SIPA1L3: variants seen among roughly 807,000 people sequenced by gnomAD.
SIPA1L3 encodes the protein signal-induced proliferation-associated 1-like protein 3.
In SIPA1L3, 59 loss-of-function variants were observed where a neutral mutation model predicts 150.1. That is an observed-to-expected ratio of 0.39 (90% confidence interval 0.32 to 0.49). The LOEUF (loss-of-function observed/expected upper bound fraction) is 0.49. Among genes scored for constraint, SIPA1L3 ranks in the 20% least tolerant of loss-of-function variants. The pLI, the probability that SIPA1L3 is intolerant of heterozygous loss-of-function variation, is 0.86. For missense variants in SIPA1L3, 2,211 were observed against 2,489.5 expected, an observed-to-expected ratio of 0.89 and a Z score of 2.38; for synonymous variants, 1,070 against 1,077.6, an observed-to-expected ratio of 0.99 and a Z score of 0.14.
intron 21 of SIPA1L3, among the ~76,000 whole-genome samples, 195 bp from the exon 22 acceptor site, chr19:38,205,902 G>T (rs1325321788): frequency 6.6e-6 from 1 of 152,220 alleles, no homozygotes; most frequent in Non-Finnish European, 1.5e-5. Flanking sequence ...TGGTAGAGTT[G>T]CGGGAACCAA....
intron 4 of SIPA1L3, 145 bp from the exon 5 acceptor site, chr19:38,099,817 G>A (rs1420459658): frequency 3.1e-6 from 2 of 640,054 alleles, no homozygotes; most frequent in East Asian, 6.7e-5. Flanking sequence ...TTCAAGTTCT[G>A]GCTCAGACTT....
intron 2 of SIPA1L3, among the ~76,000 whole-genome samples, chr19:38,040,791 C>G (rs535817435): frequency 6.6e-6 from 1 of 152,190 alleles, no homozygotes; most frequent in Non-Finnish European, 1.5e-5. Flanking sequence ...GTCGGAGTCT[C>G]GCTCAGTCGC....
rs4006822 is a variant in SIPA1L3, at chr19:38,182,136, C to CAAAAAA, written c.4209-375_4209-370dup. Among the ~76,000 whole-genome samples, 370 of 130,090 alleles carry CAAAAAA rather than the reference C, an allele frequency of 2.8e-3. 18 individuals are homozygous for CAAAAAA. The highest frequency in any genetic ancestry group is 0.011 in the African/African-American group (348 of 30,398). The allele number at this position is 130,090 out of a possible 152,430, so 85.3% of individuals were successfully genotyped here. On this transcript the variant is annotated intron_variant, in intron 15 of 21. Coordinates refer to ENST00000222345, the MANE Select transcript of SIPA1L3 (RefSeq NM_015073.3). ...AGCCTGGGTGACTGAGACCCTGTCT[C>CAAAAAA]AAAAAAAAAAAAAGAAAGGTTAGGA...
At position 38,110,241 on chromosome 19, in the gene SIPA1L3, G is replaced by A. The variant is rs750120304; in HGVS notation, c.2148G>A (p.Arg716=). The A allele has an allele frequency of 2.5e-5, 40 of 1,613,956 alleles. No individual in the cohort carries two copies. Among genetic ancestry groups the A allele is most frequent in the Non-Finnish European group, 3.2e-5 (38 of 1,180,000 alleles). The stretch of plus-strand genomic sequence containing the variant: ...CCCTTTCCCAGCTGCTACGGAAGAG[G>A]CACATAGGAAATGACATCGTGACGA... The part of the protein sequence containing the change: ...PNNRQQLLRK[R]HIGNDIVTII... The change falls in exon 8 of 22, where the codon AGG becomes AGA. Residue 716 remains arginine (R), a synonymous_variant. Transcript: ENST00000222345.
intron 12 of SIPA1L3, 142 bp downstream of exon 12, chr19:38,142,852 A>C: frequency 9.3e-7 from 1 of 1,073,032 alleles, no homozygotes; most frequent in Non-Finnish European, 1.3e-6. Context: ...GAGGAGCCCC[A>C]TGGGGTGGTT....
intron 15 of SIPA1L3, among the ~76,000 whole-genome samples, chr19:38,173,333 G>A (rs377646737): frequency 1.3e-5 from 2 of 152,186 alleles, no homozygotes; most frequent in Admixed American, 1.3e-4. Context: ...TGTGCCCATC[G>A]ATGACCTCAC....
At chr19:38,167,133 T>G (rs1460998357) in intron 15 of SIPA1L3, among the ~76,000 whole-genome samples, 1 of 147,002 alleles carries the variant, frequency 6.8e-6, no homozygotes, top group East Asian at 2.0e-4. Flanking sequence ...CTCGGGAGGC[T>G]GAGGCAGGAG....
intron 2 of SIPA1L3, among the ~76,000 whole-genome samples, chr19:38,057,325 C>T (rs986014680): frequency 4.7e-4 from 69 of 148,184 alleles, no homozygotes; most frequent in East Asian, 2.0e-3. Context: ...TACATATATA[C>T]ACACACACAC....
intron 2 of SIPA1L3, among the ~76,000 whole-genome samples, chr19:38,075,555 C>A (rs1969819173): frequency 6.6e-6 from 1 of 151,882 alleles, no homozygotes; most frequent in Non-Finnish European, 1.5e-5. Flanking sequence ...CCGAGGCTGG[C>A]GGATCCCTCG....
chr19:37,917,124 T>C (rs2046420644), intron 1 of SIPA1L3, among the ~76,000 whole-genome samples: 1 of 152,238 alleles, frequency 6.6e-6, no homozygotes, highest in Non-Finnish European at 1.5e-5. Context: ...AAATTATTAG[T>C]GAGCTATTTT....
Position 38,054,577 on chromosome 19 carries a change from C to T in SIPA1L3, c.-311+25421C>T, listed in dbSNP as rs551019795. Among the ~76,000 whole-genome samples, 6 of 152,148 alleles carry T rather than the reference C, an allele frequency of 3.9e-5. No individual in the cohort carries two copies. In the South Asian group the frequency reaches 1.0e-3, roughly 26 times the overall value. ...TCGCGCCACCGCACTCCAGCATGGG[C>T]GACAGAGCAACTCCATCTCAAAAAA... is the stretch of plus-strand genomic sequence containing the variant. On this transcript the variant is annotated intron_variant, in intron 2 of 21. Coordinates refer to ENST00000222345, the MANE Select transcript of SIPA1L3 (RefSeq NM_015073.3).
rs552470177 is a variant in SIPA1L3, at chr19:38,136,478, C to T, written c.3144-4706C>T. 5.3e-5 allele frequency among the ~76,000 whole-genome samples: 8 copies of T among 152,144 alleles called. No individual in the cohort carries two copies. In the South Asian group the frequency reaches 1.7e-3, roughly 32 times the overall value. On this transcript the variant is annotated intron_variant, in intron 10 of 21. Coordinates refer to ENST00000222345, the MANE Select transcript of SIPA1L3 (RefSeq NM_015073.3). ...ATGTAGCCGGGCATGGTGGCAGGCG[C>T]CTGTAATCCCAGCTACTCAAGAGGC...
intron 1 of SIPA1L3, among the ~76,000 whole-genome samples, chr19:38,021,268 T>C (rs1968367061): frequency 6.6e-6 from 1 of 152,124 alleles, no homozygotes; most frequent in Non-Finnish European, 1.5e-5. Flanking sequence ...CCTCAACACA[T>C]AGGCGGTCCT....
At chr19:37,975,938 C>G (rs1967063625) in intron 1 of SIPA1L3, among the ~76,000 whole-genome samples, 1 of 152,082 alleles carries the variant, frequency 6.6e-6, no homozygotes, top group African/African-American at 2.4e-5. Context: ...AACCCCATCT[C>G]TACTAAAAAT....
At chr19:38,119,256 G>A in intron 8 of SIPA1L3, 50 bp from the exon 9 acceptor site, 1 of 1,478,556 alleles carries the variant, frequency 6.8e-7, no homozygotes, top group Non-Finnish European at 9.2e-7. Context: ...TCTCTCTGAA[G>A]TGTCTTAGTG....
chr19:38,065,826 C>G (rs1336364247), intron 2 of SIPA1L3, among the ~76,000 whole-genome samples: 2 of 131,638 alleles, frequency 1.5e-5, no homozygotes, highest in South Asian at 2.4e-4. Flanking sequence ...ACACATAGCT[C>G]TACCTTGCTA....
chr19:38,036,745 T>G lies in SIPA1L3; in HGVS notation c.-311+7589T>G, dbSNP rs192872071. On this transcript the variant is annotated intron_variant, in intron 2 of 21. Coordinates refer to ENST00000222345, the MANE Select transcript of SIPA1L3 (RefSeq NM_015073.3). ...TTGGACACAACAGATGTCCATTTCT[T>G]ACTTGTGACATGGGCAGGTCAGGTG... Among the ~76,000 whole-genome samples the G allele has an allele frequency of 1.2e-4, 19 of 152,262 alleles. No homozygotes were observed. The East Asian group carries it at 3.5e-3, about 28-fold the overall frequency.
chr19:38,116,254 A>G (rs1233809803), intron 8 of SIPA1L3, among the ~76,000 whole-genome samples: 1 of 152,160 alleles, frequency 6.6e-6, no homozygotes, highest in Non-Finnish European at 1.5e-5. Context: ...TCACACCTGT[A>G]ATCCCAGCAC....
intron 1 of SIPA1L3, among the ~76,000 whole-genome samples, chr19:37,980,103 C>T (rs978087304): frequency 1.3e-5 from 2 of 152,180 alleles, no homozygotes; most frequent in Admixed American, 1.3e-4. Context: ...ACCCTCTCCC[C>T]ATCACTCCCA....
Sources: gnomAD v4.1 joint callset for allele counts (sites outside exome capture counted in the v4.1 genomes callset) on GRCh38, gnomAD v4.1.1 for gene constraint, MANE v1.5 for transcripts, NCBI Gene and HGNC (gene_info 2026-07-23, HGNC 2026-07-21) for gene names.